Variants in THSD4 observed in about 807,000 individuals in gnomAD.
THSD4 encodes the protein thrombospondin type-1 domain-containing protein 4.
Under a neutral mutation model 119.0 loss-of-function variants are expected in THSD4, and 69 were observed. The observed-to-expected ratio is 0.58, with a 90% confidence interval of 0.48 to 0.71. The LOEUF is 0.71. THSD4 is among the 30% of genes least tolerant of loss of function. The pLI is 0.00. For missense variants in THSD4, 1,393 were observed against 1,391.1 expected (o/e 1.00, Z -0.02); for synonymous variants, 524 against 540.4 (o/e 0.97, Z 0.42).
At chr15:71,756,626 A>G (rs2053543426) in intron 14 of THSD4, among the ~76,000 whole-genome samples, 1 of 152,178 alleles carries the variant, frequency 6.6e-6, no homozygotes, top group African/African-American at 2.4e-5. Flanking sequence ...CTACAAAAAA[A>G]TACAAAAATT....
At chr15:71,269,431 G>A (rs2044504046) in intron 6 of THSD4, among the ~76,000 whole-genome samples, 1 of 152,036 alleles carries the variant, frequency 6.6e-6, no homozygotes, top group African/African-American at 2.4e-5. Context: ...AATAAACTAG[G>A]TATTAATGGA....
chr15:71,605,460 C>T (rs1183299457), intron 7 of THSD4, among the ~76,000 whole-genome samples: 1 of 152,152 alleles, frequency 6.6e-6, no homozygotes, highest in African/African-American at 2.4e-5. Flanking sequence ...GGGGAACAGA[C>T]AATAAGTGGA....
At chr15:71,568,568 C>CTTTTTTTTTTTTTTTTTTTTTTTTTT (rs61430926) in intron 7 of THSD4, among the ~76,000 whole-genome samples, 1 of 137,870 alleles carries the variant, frequency 7.3e-6, no homozygotes. Context: ...CTCTTTTTCT[C>CTTTTTTTTTTTTTTTTTTTTTTTTTT]TTTTTTTTTT....
intron 3 of THSD4, among the ~76,000 whole-genome samples, chr15:71,212,496 C>G (rs1450759610): frequency 6.6e-6 from 1 of 152,182 alleles, no homozygotes; most frequent in African/African-American, 2.4e-5. Flanking sequence ...TCTTAGTTAT[C>G]TGTGTTAATG....
At chr15:71,601,180 G>T (rs1187886305) in intron 7 of THSD4, among the ~76,000 whole-genome samples, 1 of 152,220 alleles carries the variant, frequency 6.6e-6, no homozygotes, top group East Asian at 1.9e-4. Context: ...CTCATGTGAT[G>T]ACAGAGCAAG....
intron 6 of THSD4, among the ~76,000 whole-genome samples, chr15:71,310,228 A>C (rs544511716): frequency 6.6e-6 from 1 of 151,964 alleles, no homozygotes; most frequent in African/African-American, 2.4e-5. Flanking sequence ...ATTCTCTTAC[A>C]CTGTGGGACT....
intron 8 of THSD4, among the ~76,000 whole-genome samples, chr15:71,715,655 T>C (rs1273178651): frequency 6.6e-6 from 1 of 152,114 alleles, no homozygotes; most frequent in Non-Finnish European, 1.5e-5. Flanking sequence ...TGGTTCATAG[T>C]ATAGTAAAAT....
At chr15:71,655,705 G>A (rs187202910) in intron 7 of THSD4, among the ~76,000 whole-genome samples, 47 of 152,276 alleles carry the variant, frequency 3.1e-4, no homozygotes, top group Admixed American at 5.9e-4. Flanking sequence ...TACAGCACTC[G>A]TCAGCAGCAG....
At chr15:71,547,214 G>A in intron 7 of THSD4, 2 of 1,367,024 alleles carry the variant, frequency 1.5e-6, no homozygotes, top group Non-Finnish European at 1.9e-6. Flanking sequence ...TACATGAAGA[G>A]ATCAGCTTAC....
At chr15:71,654,525 G>T (rs2051151978) in intron 7 of THSD4, among the ~76,000 whole-genome samples, 1 of 152,172 alleles carries the variant, frequency 6.6e-6, no homozygotes, top group South Asian at 2.1e-4. Context: ...ATTCCTAGAA[G>T]AAGAATTTAC....
At chr15:71,670,235 C>A (rs922021435) in intron 8 of THSD4, among the ~76,000 whole-genome samples, 1 of 151,692 alleles carries the variant, frequency 6.6e-6, no homozygotes, top group African/African-American at 2.4e-5. Flanking sequence ...TCCCCTATCC[C>A]CCACCCCATG....
At chr15:71,214,954 G>A (rs1478517237) in intron 3 of THSD4, 81 bp from the exon 4 acceptor site, 2 of 1,214,228 alleles carry the variant, frequency 1.6e-6, no homozygotes, top group Non-Finnish European at 2.1e-6. Context: ...GTGCCTGATG[G>A]ATAAGTCGAC....
intron 3 of THSD4, among the ~76,000 whole-genome samples, chr15:71,169,021 T>C (rs2043324726): frequency 6.6e-6 from 1 of 152,168 alleles, no homozygotes; most frequent in South Asian, 2.1e-4. Context: ...AGATACGCCA[T>C]GGACAGGGTA....
intron 6 of THSD4, among the ~76,000 whole-genome samples, chr15:71,272,601 A>T (rs1011134232): frequency 6.6e-6 from 1 of 151,958 alleles, no homozygotes; most frequent in Non-Finnish European, 1.5e-5. Flanking sequence ...TAGAAAAAAG[A>T]TGAAAGATGG....
intron 7 of THSD4, among the ~76,000 whole-genome samples, chr15:71,421,828 T>C (rs1023254885): frequency 1.3e-5 from 2 of 152,240 alleles, no homozygotes; most frequent in African/African-American, 4.8e-5. Context: ...GGCTGTTTTC[T>C]AGATTTTGTA....
intron 4 of THSD4, among the ~76,000 whole-genome samples, chr15:71,222,541 T>C (rs1278668888): frequency 6.6e-6 from 1 of 152,176 alleles, no homozygotes; most frequent in African/African-American, 2.4e-5. Flanking sequence ...GGCTGGGATA[T>C]GAAAGCCTCA....
intron 7 of THSD4, among the ~76,000 whole-genome samples, chr15:71,572,208 A>G (rs1251661917): frequency 6.6e-6 from 1 of 152,208 alleles, no homozygotes; most frequent in Non-Finnish European, 1.5e-5. Context: ...ACCCTTGCCA[A>G]TTATGTGAAT....
At chr15:71,773,215 AG>A (rs67423913) in intron 17 of THSD4, among the ~76,000 whole-genome samples, 2,846 of 53,508 alleles carry the variant, frequency 0.053, 80 homozygotes, top group Non-Finnish European at 0.063. Context: ...AAAAAAAAAA[AG>A]AAAAAGAAAA....
chr15:71,242,591 AG>A lies in THSD4; in HGVS notation c.465-57del, dbSNP rs2044162274. ...TCTCTACCACGGACCAGAGCTTCTG[AG>A]TTAACATGAAATTCATCCGACTCTG... is the stretch of plus-strand genomic sequence containing the variant. On this transcript the variant is annotated intron_variant, in intron 4 of 17. Coordinates refer to ENST00000261862, the MANE Select transcript of THSD4 (RefSeq NM_024817.3). The A allele has an allele frequency of 7.1e-6, 11 of 1,555,380 alleles. No homozygotes were observed. The South Asian group carries it at 1.3e-4, about 19-fold the overall frequency.
Sources: gnomAD v4.1 joint callset for allele counts (sites outside exome capture counted in the v4.1 genomes callset) on GRCh38, gnomAD v4.1.1 for gene constraint, MANE v1.5 for transcripts, NCBI Gene and HGNC (gene_info 2026-07-23, HGNC 2026-07-21) for gene names.